Variants in DLGAP1 observed in about 807,000 individuals in gnomAD.
The protein encoded by DLGAP1 is DLG associated protein 1, also known as disks large-associated protein 1.
Under a neutral mutation model 90.8 loss-of-function variants are expected in DLGAP1, and 11 were observed. That is an observed-to-expected ratio of 0.12 (90% CI 0.08 to 0.20). DLGAP1 has a LOEUF of 0.20. DLGAP1 is among the 10% of genes least tolerant of loss of function. The probability of loss-of-function intolerance (pLI) is 1.00; values close to 1 mark genes in which losing one functional copy is unlikely to be tolerated. For missense variants in DLGAP1, 1,050 were observed against 1,333.8 expected (o/e 0.79, Z 3.31); for synonymous variants, 558 against 540.7 (o/e 1.03, Z -0.44).
At chr18:3,743,980 C>T (rs1011041325) in intron 5 of DLGAP1, among the ~76,000 whole-genome samples, 4 of 152,180 alleles carry the variant, frequency 2.6e-5, no homozygotes, top group African/African-American at 9.7e-5. Context: ...TTTCTTTTCA[C>T]ATGGTATTAG....
At chr18:4,247,358 T>C (rs1482269868) in intron 1 of DLGAP1, among the ~76,000 whole-genome samples, 1 of 152,204 alleles carries the variant, frequency 6.6e-6, no homozygotes, top group Admixed American at 6.5e-5. Flanking sequence ...TGAGTTCACC[T>C]GGCTAGTAAG....
At chr18:3,627,251 A>AT (rs1295412086) in intron 7 of DLGAP1, among the ~76,000 whole-genome samples, 1 of 151,990 alleles carries the variant, frequency 6.6e-6, no homozygotes, top group East Asian at 1.9e-4. Context: ...AGTGCTAGTA[A>AT]TTTTTTGTCA....
intron 2 of DLGAP1, among the ~76,000 whole-genome samples, chr18:4,046,388 C>A (rs989492408): frequency 1.3e-5 from 2 of 152,146 alleles, no homozygotes; most frequent in African/African-American, 4.8e-5. Context: ...TTTAATAGGC[C>A]TTCTGTTCCT....
intron 3 of DLGAP1, among the ~76,000 whole-genome samples, chr18:3,889,814 C>A (rs933295447): frequency 6.6e-6 from 1 of 152,194 alleles, no homozygotes; most frequent in Non-Finnish European, 1.5e-5. Context: ...AGGAAGGGCC[C>A]ATGTCGGCCC....
intron 4 of DLGAP1, among the ~76,000 whole-genome samples, chr18:3,842,527 T>G (rs1047949353): frequency 2.0e-5 from 3 of 151,712 alleles, no homozygotes; most frequent in Admixed American, 2.0e-4. Context: ...TGATGGAGGT[T>G]TAACTGGGAT....
intron 4 of DLGAP1, among the ~76,000 whole-genome samples, chr18:3,842,115 G>T (rs1013369751): frequency 6.6e-6 from 1 of 151,250 alleles, no homozygotes; most frequent in Admixed American, 6.6e-5. Flanking sequence ...TTTGGCAGGG[G>T]TGGGGGGTGA....
chr18:3,503,827 G>A (rs1162348424), intron 11 of DLGAP1, among the ~76,000 whole-genome samples: 3 of 152,238 alleles, frequency 2.0e-5, no homozygotes, highest in Non-Finnish European at 4.4e-5. Context: ...TGGGCGTGGT[G>A]GCTCATGCCT....
chr18:3,735,607 T>C (rs533909351), intron 6 of DLGAP1, among the ~76,000 whole-genome samples: 1 of 152,270 alleles, frequency 6.6e-6, no homozygotes, highest in South Asian at 2.1e-4. Flanking sequence ...AGTGGGAAAA[T>C]AGTAGTAGGA....
intron 1 of DLGAP1, among the ~76,000 whole-genome samples, chr18:4,379,640 T>C (rs2082078335): frequency 6.6e-6 from 1 of 152,162 alleles, no homozygotes; most frequent in South Asian, 2.1e-4. Flanking sequence ...ATGCCTTTGA[T>C]AGACTATAAC....
chr18:3,953,249 G>A (rs977665320), intron 3 of DLGAP1, among the ~76,000 whole-genome samples: 2 of 152,138 alleles, frequency 1.3e-5, no homozygotes, highest in African/African-American at 4.8e-5. Context: ...TTGTATAGTG[G>A]TGGAGTCTGG....
intron 4 of DLGAP1, among the ~76,000 whole-genome samples, chr18:3,871,439 G>A (rs1390923090): frequency 1.3e-5 from 2 of 152,110 alleles, no homozygotes; most frequent in Admixed American, 1.3e-4. Flanking sequence ...TGTATCTTAT[G>A]ATTTTAGAGT....
intron 1 of DLGAP1, among the ~76,000 whole-genome samples, chr18:4,305,995 C>G (rs963516326): frequency 6.7e-6 from 1 of 149,378 alleles, no homozygotes; most frequent in Non-Finnish European, 1.5e-5. Context: ...TGAAACAACT[C>G]CCAAAACATT....
intron 7 of DLGAP1, among the ~76,000 whole-genome samples, chr18:3,630,334 C>A (rs2058479444): frequency 6.6e-6 from 1 of 152,146 alleles, no homozygotes; most frequent in African/African-American, 2.4e-5. Context: ...GGGTTGTGAG[C>A]CTGCAGGTCC....
chr18:3,601,006 A>C (rs1302021880), intron 7 of DLGAP1, among the ~76,000 whole-genome samples: 1 of 119,118 alleles, frequency 8.4e-6, no homozygotes, highest in East Asian at 2.2e-4. Context: ...ATATATAGAT[A>C]TAGATAGATA....
intron 7 of DLGAP1, chr18:3,607,333 TTTTTTG>T (rs1434082996): frequency 6.6e-6 from 1 of 152,134 alleles, no homozygotes; most frequent in Non-Finnish European, 1.5e-5. Flanking sequence ...ATATTTTATA[TTTTTTG>T]TAGAAATGGG....
At chr18:3,947,301 T>C (rs1322312465) in intron 3 of DLGAP1, among the ~76,000 whole-genome samples, 1 of 152,242 alleles carries the variant, frequency 6.6e-6, no homozygotes, top group Non-Finnish European at 1.5e-5. Flanking sequence ...TTTAGTTACC[T>C]TAACCACAAA....
intron 1 of DLGAP1, among the ~76,000 whole-genome samples, chr18:4,404,413 G>T (rs1047828546): frequency 2.0e-5 from 3 of 152,018 alleles, no homozygotes; most frequent in Non-Finnish European, 2.9e-5. Flanking sequence ...TCTGGAGACC[G>T]CAAGAAAACA....
chr18:3,682,831 T>C (rs2060567246), intron 7 of DLGAP1, among the ~76,000 whole-genome samples: 1 of 151,958 alleles, frequency 6.6e-6, no homozygotes, highest in Non-Finnish European at 1.5e-5. Flanking sequence ...GATTGAAGAC[T>C]AGTATCCAAA....
At chr18:4,102,803 T>A (rs1448168920) in intron 2 of DLGAP1, among the ~76,000 whole-genome samples, 1 of 152,236 alleles carries the variant, frequency 6.6e-6, no homozygotes, top group Non-Finnish European at 1.5e-5. Flanking sequence ...TTGGTATTTA[T>A]TTCTATTCTC....
Sources: gnomAD v4.1 joint callset for allele counts (sites outside exome capture counted in the v4.1 genomes callset) on GRCh38, gnomAD v4.1.1 for gene constraint, MANE v1.5 for transcripts, NCBI Gene and HGNC (gene_info 2026-07-23, HGNC 2026-07-21) for gene names.